Variants in SYT14 observed in about 807,000 individuals in gnomAD.
SYT14 encodes the protein synaptotagmin 14, also known as synaptotagmin-14.
SYT14 carries 32 observed loss-of-function variants against 74.2 expected under a neutral mutation model. The observed-to-expected ratio is 0.43, with a 90% CI of 0.33 to 0.58. The LOEUF is 0.58. Among genes scored for constraint, SYT14 ranks in the 20% least tolerant of loss-of-function variants. The pLI, the probability that SYT14 is intolerant of heterozygous loss-of-function variation, is 0.05. For missense variants in SYT14, 791 were observed against 981.8 expected, an observed-to-expected ratio of 0.81 and a Z score of 2.60; for synonymous variants, 298 against 337.7, an observed-to-expected ratio of 0.88 and a Z score of 1.29.
chr1:210,156,858 AT>A, intron 8 of SYT14: 1 of 405,396 alleles, frequency 2.5e-6, no homozygotes, highest in Non-Finnish European at 5.1e-6. Flanking sequence ...ACACCTAGCT[AT>A]TATTTTGTAT....
chr1:209,961,829 C>T (rs1224005113), intron 2 of SYT14, among the ~76,000 whole-genome samples: 2 of 151,912 alleles, frequency 1.3e-5, no homozygotes, highest in Non-Finnish European at 2.9e-5. Flanking sequence ...ATGAGACCTA[C>T]CTACTGAGTT....
exon 10 of SYT14, chr1:210,166,283 G>A (rs1399548044): frequency 1.3e-5 from 2 of 152,156 alleles, no homozygotes; most frequent in Admixed American, 1.3e-4. Flanking sequence ...AATTTAACTT[G>A]GGCCAGGCGT....
chr1:210,163,296 G>A, exon 10 of SYT14: 1 of 453,196 alleles, frequency 2.2e-6, no homozygotes, highest in South Asian at 1.6e-5. Flanking sequence ...TTGTGTGTGT[G>A]ATTTGATACA....
chr1:210,045,068 T>C (rs1310577051), intron 5 of SYT14, among the ~76,000 whole-genome samples: 1 of 152,172 alleles, frequency 6.6e-6, no homozygotes, highest in Non-Finnish European at 1.5e-5. Context: ...ATGTTATGAT[T>C]CTCTTTATTA....
intron 2 of SYT14, among the ~76,000 whole-genome samples, chr1:209,957,938 C>T (rs2079018508): frequency 1.3e-5 from 2 of 149,608 alleles, no homozygotes; most frequent in Admixed American, 6.7e-5. Flanking sequence ...TCTCTTTCTC[C>T]CCCTCCTTCC....
At chr1:209,949,923 A>T (rs992276632) in intron 1 of SYT14, among the ~76,000 whole-genome samples, 2 of 152,210 alleles carry the variant, frequency 1.3e-5, no homozygotes, top group African/African-American at 4.8e-5. Context: ...AACTTAAAAA[A>T]TTTAAGAGGT....
At chr1:210,087,482 T>A (rs2081760046) in intron 5 of SYT14, among the ~76,000 whole-genome samples, 1 of 152,170 alleles carries the variant, frequency 6.6e-6, no homozygotes, top group Admixed American at 6.5e-5. Flanking sequence ...CTTATCTTGT[T>A]TGGGCTCTGT....
At chr1:210,024,448 C>T (rs918544994) in intron 5 of SYT14, among the ~76,000 whole-genome samples, 2 of 152,106 alleles carry the variant, frequency 1.3e-5, no homozygotes, top group African/African-American at 4.8e-5. Context: ...AAGGAAGCAT[C>T]AGAGATGACT....
intron 2 of SYT14, among the ~76,000 whole-genome samples, chr1:209,976,610 T>A (rs1230851144): frequency 6.6e-5 from 10 of 151,490 alleles, no homozygotes; most frequent in South Asian, 2.1e-4. Context: ...TGCTGAGGAG[T>A]CCTTTACTTC....
chr1:210,035,625 C>T (rs1477286890), intron 5 of SYT14, among the ~76,000 whole-genome samples: 2 of 151,870 alleles, frequency 1.3e-5, no homozygotes, highest in Admixed American at 6.6e-5. Context: ...TGTCATTCTT[C>T]TGCATATAGC....
intron 5 of SYT14, among the ~76,000 whole-genome samples, chr1:210,059,270 A>G (rs572696297): frequency 5.3e-4 from 81 of 152,000 alleles, no homozygotes; most frequent in South Asian, 4.8e-3. Context: ...GGATTAGAAT[A>G]AAAATTTCCC....
chr1:209,952,136 A>G (rs2078921507), intron 1 of SYT14, among the ~76,000 whole-genome samples: 1 of 152,162 alleles, frequency 6.6e-6, no homozygotes. Flanking sequence ...TTTTGGCCCA[A>G]TAAGTAGAGA....
At chr1:210,072,523 A>G (rs1043301577) in intron 5 of SYT14, among the ~76,000 whole-genome samples, 1 of 151,982 alleles carries the variant, frequency 6.6e-6, no homozygotes, top group Admixed American at 6.6e-5. Context: ...AGTAAGGGAG[A>G]TGTACATTCT....
At chr1:209,970,515 C>T (rs1007692461) in intron 2 of SYT14, among the ~76,000 whole-genome samples, 2 of 151,860 alleles carry the variant, frequency 1.3e-5, no homozygotes, top group African/African-American at 4.8e-5. Context: ...CAGCTTTATT[C>T]TTTTTGCTTA....
At chr1:209,953,441 C>G (rs546257251) in intron 2 of SYT14, among the ~76,000 whole-genome samples, 1 of 152,268 alleles carries the variant, frequency 6.6e-6, no homozygotes, top group South Asian at 2.1e-4. Context: ...CTACTCTTGT[C>G]TCTTTTTAAA....
chr1:210,004,197 C>T (rs2079950398), intron 2 of SYT14, among the ~76,000 whole-genome samples: 1 of 152,002 alleles, frequency 6.6e-6, no homozygotes, highest in Non-Finnish European at 1.5e-5. Context: ...GTGTAGTAAC[C>T]TTGAAATTAT....
At chr1:209,960,549 A>G (rs1161340532) in intron 2 of SYT14, among the ~76,000 whole-genome samples, 2 of 152,208 alleles carry the variant, frequency 1.3e-5, no homozygotes, top group African/African-American at 4.8e-5. Context: ...AATAGTAGCA[A>G]AAAACAGCTT....
chr1:210,163,527 G>A (rs2083415262), exon 10 of SYT14: 1 of 453,402 alleles, frequency 2.2e-6, no homozygotes, highest in Non-Finnish European at 4.4e-6. Context: ...AGGCAAAGGT[G>A]CCCTGGCTTT....
Position 209,938,292 on chromosome 1 carries a change from A to G in SYT14, c.-534+15A>G. On this transcript the variant is annotated intron_variant, in intron 1 of 9. Coordinates refer to ENST00000637265, the Ensembl canonical transcript of SYT14. ...GGCGATTGAAGGTAAGTGGAGGCTG[A>G]CAGCGGGGAGCGAGGACCGGGACCA... The G allele has an allele frequency of 6.4e-7, 1 of 1,556,058 alleles. No individual in the cohort carries two copies. Among genetic ancestry groups the G allele is most frequent in the Non-Finnish European group, 8.7e-7 (1 of 1,147,476 alleles).
Sources: gnomAD v4.1 joint callset for allele counts (sites outside exome capture counted in the v4.1 genomes callset) on GRCh38, gnomAD v4.1.1 for gene constraint, MANE v1.5 for transcripts, NCBI Gene and HGNC (gene_info 2026-07-23, HGNC 2026-07-21) for gene names.